PDK1: variants seen among roughly 807,000 people sequenced by gnomAD.
PDK1 encodes the protein [Pyruvate dehydrogenase (acetyl-transferring)] kinase isozyme 1, mitochondrial.
PDK1 carries 39 observed loss-of-function variants against 54.2 expected under a neutral mutation model. That is an observed-to-expected ratio of 0.72 (90% CI 0.56 to 0.94). The LOEUF (loss-of-function observed/expected upper bound fraction) is 0.94. Ranked by LOEUF, PDK1 falls within the 40% of genes least tolerant of loss-of-function variation. PDK1 has a pLI of 0.00. For synonymous variants in PDK1, 221 were observed against 207.1 expected (o/e 1.07, Z -0.58); for missense variants, 552 against 566.0 (o/e 0.98, Z 0.25).
At chr2:172,583,796 G>A (rs1387441441) in intron 8 of PDK1, among the ~76,000 whole-genome samples, 1 of 151,708 alleles carries the variant, frequency 6.6e-6, no homozygotes, top group Non-Finnish European at 1.5e-5. Flanking sequence ...TCAACTATAA[G>A]CCATTCAGCC....
chr2:172,633,792 CT>C, the PDK1 span, among the ~76,000 whole-genome samples: 1 of 147,096 alleles, frequency 6.8e-6, no homozygotes, highest in African/African-American at 2.5e-5. Context: ...TCTCTTTTTC[CT>C]TTCTGATATC....
chr2:172,689,038 G>C, the PDK1 span, among the ~76,000 whole-genome samples: 1 of 152,226 alleles, frequency 6.6e-6, no homozygotes, highest in Non-Finnish European at 1.5e-5. Flanking sequence ...CCACAGCATG[G>C]AAAGGGACCC....
chr2:172,622,893 G>GTAATA, the PDK1 span, among the ~76,000 whole-genome samples: 2 of 147,666 alleles, frequency 1.4e-5, no homozygotes, highest in African/African-American at 2.5e-5. Flanking sequence ...CATATTATAT[G>GTAATA]TAATATAATA....
chr2:172,683,707 A>G, the PDK1 span, among the ~76,000 whole-genome samples: 79 of 152,368 alleles, frequency 5.2e-4, no homozygotes, highest in Admixed American at 1.0e-3. Flanking sequence ...GGGGATGAGT[A>G]AAGTTACAAA....
the PDK1 span, among the ~76,000 whole-genome samples, chr2:172,694,889 G>A: frequency 6.6e-6 from 1 of 152,154 alleles, no homozygotes. Context: ...GACCAAGGCG[G>A]GTGGATCACT....
Position 172,586,263 on chromosome 2 carries a change from C to G in PDK1, c.946-15C>G, listed in dbSNP as rs748225776. 2 of 1,549,516 alleles carry G rather than the reference C, an allele frequency of 1.3e-6. No individual in the cohort carries two copies. The highest frequency in any genetic ancestry group is 2.7e-5 in the African/African-American group (2 of 73,600). On this transcript the variant is annotated splice_polypyrimidine_tract_variant and intron_variant, in intron 8 of 10. Transcript: ENST00000282077. ...GAGGATTTGGGCATAGAGCACGATCCTTTTCTTACCTTAGATGAGTGACCG... is the reference window on the plus strand; with the variant it reads ...GAGGATTTGGGCATAGAGCACGATCGTTTTCTTACCTTAGATGAGTGACCG...
At chr2:172,609,197 C>A (rs377506118), downstream of PDK1, among the ~76,000 whole-genome samples, 69 of 152,140 alleles carry the variant, frequency 4.5e-4, 1 homozygote, top group Non-Finnish European at 9.1e-4. Context: ...ATGCTATCTA[C>A]GACAAGGACA....
the PDK1 span, chr2:172,724,099 T>C: frequency 6.6e-6 from 1 of 152,210 alleles, no homozygotes; most frequent in Admixed American, 6.5e-5. Context: ...TCTTTAATGA[T>C]TCCACAATTT....
chr2:172,692,117 T>G, the PDK1 span, among the ~76,000 whole-genome samples: 1 of 152,168 alleles, frequency 6.6e-6, no homozygotes, highest in Non-Finnish European at 1.5e-5. Flanking sequence ...CATTCAGAAT[T>G]ATGTAACCTT....
rs115251182 is a variant in PDK1 at position 172,561,195 on chromosome 2, T to C, written c.339-1025T>C. ...AAAATTCTTCATTAGAAGTAGAATA[T>C]GCTGCTTTTTGAAGCTTATCAGTCA... On this transcript the variant is annotated intron_variant, in intron 2 of 10. Transcript: ENST00000282077. 5.5e-3 allele frequency among the ~76,000 whole-genome samples: 831 copies of C among 152,318 alleles called. 9 individuals are homozygous for C. The highest frequency in any genetic ancestry group is 0.019 in the African/African-American group (777 of 41,560).
chr2:172,591,591 T>A (rs1040375355), intron 9 of PDK1, among the ~76,000 whole-genome samples: 1 of 152,222 alleles, frequency 6.6e-6, no homozygotes, highest in Admixed American at 6.5e-5. Flanking sequence ...TTCCGGTTCC[T>A]GTAGCAGTGG....
chr2:172,627,008 T>G, the PDK1 span, among the ~76,000 whole-genome samples: 1 of 152,224 alleles, frequency 6.6e-6, no homozygotes, highest in South Asian at 2.1e-4. Flanking sequence ...TGCAGAATTC[T>G]AAAAGATAGA....
the PDK1 span, among the ~76,000 whole-genome samples, chr2:172,633,266 T>G: frequency 5.3e-5 from 8 of 151,870 alleles, no homozygotes; most frequent in Admixed American, 3.9e-4. Context: ...CAGGCTGGTC[T>G]TAAATTCCTG....
rs1459243379 is a variant in PDK1 at position 172,597,738 on chromosome 2, T to C, written c.*1769T>C. 1 of 152,242 alleles carries C rather than the reference T, an allele frequency of 6.6e-6. No homozygotes were observed. Among genetic ancestry groups the C allele is most frequent in the African/African-American group, 2.4e-5 (1 of 41,462 alleles). 9.4% of individuals were successfully genotyped at this position (152,242 alleles called of 1,614,324 possible). ...TGTTGTTAGTTATCCCTCAACATCT[T>C]CTAAGGTGGCAGGAAATAATATTGG... On this transcript the variant is annotated 3_prime_UTR_variant, in exon 11 of 11. Transcript: ENST00000282077.
downstream of PDK1, among the ~76,000 whole-genome samples, chr2:172,609,102 C>T (rs1691386140): frequency 6.6e-6 from 1 of 152,004 alleles, no homozygotes; most frequent in African/African-American, 2.4e-5. Flanking sequence ...GAAATAGCAC[C>T]CTAAATGCAC....
the PDK1 span, among the ~76,000 whole-genome samples, chr2:172,656,980 C>T: frequency 0.012 from 1,830 of 152,150 alleles, 15 homozygotes; most frequent in Middle Eastern, 0.031. Flanking sequence ...AGCTCATTCA[C>T]GTTGAGGCTC....
chr2:172,560,760 A>G (rs1688613701), intron 2 of PDK1, among the ~76,000 whole-genome samples: 3 of 152,246 alleles, frequency 2.0e-5, no homozygotes, highest in African/African-American at 7.2e-5. Flanking sequence ...CTTCCCAAAG[A>G]TAAGTAGAGA....
chr2:172,657,406 A>G, the PDK1 span, among the ~76,000 whole-genome samples: 1 of 55,676 alleles, frequency 1.8e-5, no homozygotes, highest in African/African-American at 4.6e-5. Flanking sequence ...TTCTTTTCAT[A>G]TTGAACCAGA....
the PDK1 span, among the ~76,000 whole-genome samples, chr2:172,696,984 C>T: frequency 6.6e-6 from 1 of 152,096 alleles, no homozygotes; most frequent in African/African-American, 2.4e-5. Context: ...GCTTCTATCC[C>T]AATTAGTTTA....
Sources: gnomAD v4.1 joint callset for allele counts (sites outside exome capture counted in the v4.1 genomes callset) on GRCh38, gnomAD v4.1.1 for gene constraint, MANE v1.5 for transcripts, NCBI Gene and HGNC (gene_info 2026-07-23, HGNC 2026-07-21) for gene names.